Variants in ROBO2 observed in about 807,000 individuals in gnomAD.
ROBO2 encodes the protein roundabout homolog 2.
In ROBO2, 53 loss-of-function variants were observed where a neutral mutation model predicts 160.8. The ratio of observed to expected loss-of-function variants is 0.33; its 90% CI spans 0.26 to 0.41. The LOEUF is 0.41. Ranked by LOEUF, ROBO2 falls within the 10% of genes least tolerant of loss-of-function variation. The pLI, the probability that ROBO2 is intolerant of heterozygous loss-of-function variation, is 1.00. For missense variants in ROBO2, 1,577 were observed against 1,722.4 expected (o/e 0.92, Z 1.49); for synonymous variants, 664 against 611.7 (o/e 1.09, Z -1.26).
At chr3:77,094,436 G>C (rs1162969047) in intron 1 of ROBO2, among the ~76,000 whole-genome samples, 1 of 152,010 alleles carries the variant, frequency 6.6e-6, no homozygotes. Context: ...CCATTCAGTT[G>C]GTAGACATTT....
intron 2 of ROBO2, among the ~76,000 whole-genome samples, chr3:76,055,893 G>A (rs1678123969): frequency 6.6e-6 from 1 of 151,948 alleles, no homozygotes; most frequent in South Asian, 2.1e-4. Context: ...CAAGTAGCTG[G>A]GACTACAGGC....
chr3:77,636,329 C>G (rs958182216), intron 24 of ROBO2, among the ~76,000 whole-genome samples: 4 of 152,142 alleles, frequency 2.6e-5, no homozygotes, highest in African/African-American at 9.7e-5. Context: ...CACGGTGGCT[C>G]AGGCCTGTAA....
chr3:76,102,829 C>CTTT (rs146647759), intron 2 of ROBO2, among the ~76,000 whole-genome samples: 5 of 145,094 alleles, frequency 3.4e-5, no homozygotes, highest in East Asian at 2.0e-4. Flanking sequence ...AGAGACCTGA[C>CTTT]TTTTTTTTTT....
intron 2 of ROBO2, among the ~76,000 whole-genome samples, chr3:76,407,492 A>G (rs7630110): frequency 0.18 from 27,961 of 151,760 alleles, 3,030 homozygotes; most frequent in African/African-American, 0.3. Flanking sequence ...AGCAGAGTTA[A>G]TACTGGAAAT....
intron 2 of ROBO2, among the ~76,000 whole-genome samples, chr3:76,785,135 T>G (rs1326801084): frequency 6.6e-6 from 1 of 150,994 alleles, no homozygotes; most frequent in Non-Finnish European, 1.5e-5. Flanking sequence ...CTATCCTTGG[T>G]GATATGGGCC....
At chr3:76,733,783 G>T (rs2093669780) in intron 2 of ROBO2, among the ~76,000 whole-genome samples, 1 of 151,990 alleles carries the variant, frequency 6.6e-6, no homozygotes, top group African/African-American at 2.4e-5. Context: ...GTCAATTCAG[G>T]CTTCTATAAA....
intron 2 of ROBO2, among the ~76,000 whole-genome samples, chr3:76,749,349 T>C (rs1316548328): frequency 6.6e-6 from 1 of 151,980 alleles, no homozygotes; most frequent in Non-Finnish European, 1.5e-5. Flanking sequence ...TCAGATGAGA[T>C]TCAAGGTAGG....
intron 2 of ROBO2, among the ~76,000 whole-genome samples, chr3:77,006,208 A>G (rs1457379188): frequency 2.0e-5 from 3 of 152,038 alleles, no homozygotes; most frequent in African/African-American, 2.4e-5. Context: ...GCATTATCCA[A>G]CCAGGACCAT....
intron 2 of ROBO2, among the ~76,000 whole-genome samples, chr3:77,234,261 C>G (rs186284941): frequency 5.5e-4 from 84 of 152,232 alleles, no homozygotes; most frequent in African/African-American, 1.9e-3. Context: ...TCCCATCTCC[C>G]ACGCCTGCCC....
chr3:77,635,326 C>G (rs2095245943), intron 24 of ROBO2, among the ~76,000 whole-genome samples: 1 of 151,094 alleles, frequency 6.6e-6, no homozygotes, highest in Non-Finnish European at 1.5e-5. Flanking sequence ...TTTTAGTGAG[C>G]ATTTAAGAGT....
chr3:76,065,637 A>C (rs1559882360), intron 2 of ROBO2, among the ~76,000 whole-genome samples: 1 of 151,540 alleles, frequency 6.6e-6, no homozygotes, highest in East Asian at 1.9e-4. Flanking sequence ...AAGAAGTAAA[A>C]ATTATCTGAC....
At chr3:77,418,508 A>G (rs2077443133) in intron 2 of ROBO2, among the ~76,000 whole-genome samples, 1 of 152,080 alleles carries the variant, frequency 6.6e-6, no homozygotes, top group Non-Finnish European at 1.5e-5. Flanking sequence ...ACTTTCATTT[A>G]TATTTTCTCA....
At chr3:76,434,921 C>G (rs1196767579) in intron 2 of ROBO2, 2 of 1,600,120 alleles carry the variant, frequency 1.2e-6, no homozygotes, top group Non-Finnish European at 1.7e-6. Context: ...AACCCCAAAC[C>G]AGCCCATCCC....
intron 2 of ROBO2, among the ~76,000 whole-genome samples, chr3:77,109,015 C>G (rs187573818): frequency 6.6e-6 from 1 of 151,822 alleles, no homozygotes; most frequent in East Asian, 1.9e-4. Context: ...GGGAGGAAAT[C>G]TACTGTATGT....
intron 6 of ROBO2, among the ~76,000 whole-genome samples, chr3:77,527,016 G>T (rs2091228483): frequency 6.6e-6 from 1 of 151,346 alleles, no homozygotes; most frequent in Admixed American, 6.6e-5. Context: ...CAGACAGCGA[G>T]GCCTTCTTTT....
intron 2 of ROBO2, among the ~76,000 whole-genome samples, chr3:76,917,094 G>T (rs1049910625): frequency 6.6e-6 from 1 of 152,136 alleles, no homozygotes; most frequent in African/African-American, 2.4e-5. Flanking sequence ...ACAAACCAAG[G>T]CTGGGCTCAT....
At chr3:77,217,173 C>A (rs1388630618) in intron 2 of ROBO2, among the ~76,000 whole-genome samples, 2 of 151,626 alleles carry the variant, frequency 1.3e-5, no homozygotes, top group Admixed American at 1.3e-4. Flanking sequence ...TCTGGAGTCT[C>A]ACTCTGTTGC....
At chr3:77,175,610 C>G (rs1442635345) in intron 2 of ROBO2, among the ~76,000 whole-genome samples, 1 of 151,890 alleles carries the variant, frequency 6.6e-6, no homozygotes, top group Admixed American at 6.6e-5. Flanking sequence ...GGTGAGAAAC[C>G]AGGAAGCCTA....
chr3:76,853,673 C>G (rs1007138726), intron 2 of ROBO2, among the ~76,000 whole-genome samples: 1 of 151,994 alleles, frequency 6.6e-6, no homozygotes, highest in African/African-American at 2.4e-5. Context: ...TGATAAAACC[C>G]CCAAATAATC....
Sources: allele counts gnomAD v4.1 joint callset (sites outside exome capture counted in the v4.1 genomes callset), GRCh38; gene constraint gnomAD v4.1.1; transcripts MANE v1.5; gene names NCBI Gene and HGNC (gene_info 2026-07-23, HGNC 2026-07-21).